The following CTNNA3 variants were observed in gnomAD, a reference collection of about 807,000 sequenced individuals.
CTNNA3 encodes the protein catenin alpha 3.
Under a neutral mutation model 95.7 loss-of-function variants are expected in CTNNA3, and 76 were observed. The ratio of observed to expected loss-of-function variants is 0.79; its 90% confidence interval spans 0.66 to 0.96. CTNNA3 has a LOEUF of 0.96. Ranked by LOEUF, CTNNA3 falls within the 40% of genes least tolerant of loss-of-function variation. The pLI is 0.00. For synonymous variants in CTNNA3, 431 were observed against 374.4 expected, an observed-to-expected ratio of 1.15 and a Z score of -1.74; for missense variants, 1,191 against 1,089.8, an observed-to-expected ratio of 1.09 and a Z score of -1.31.
intron 11 of CTNNA3, among the ~76,000 whole-genome samples, chr10:66,427,726 C>A (rs917595538): frequency 6.6e-6 from 1 of 152,130 alleles, no homozygotes; most frequent in Non-Finnish European, 1.5e-5. Flanking sequence ...ACCACCAGAC[C>A]TGCCCGACAA....
intron 5 of CTNNA3, among the ~76,000 whole-genome samples, chr10:67,309,530 T>C (rs1420870520): frequency 2.0e-5 from 3 of 152,068 alleles, no homozygotes; most frequent in Non-Finnish European, 2.9e-5. Context: ...TGAAGGGAGC[T>C]AATAAGAATA....
At chr10:66,423,329 T>C (rs1353914577) in intron 11 of CTNNA3, among the ~76,000 whole-genome samples, 1 of 152,178 alleles carries the variant, frequency 6.6e-6, no homozygotes, top group Non-Finnish European at 1.5e-5. Flanking sequence ...TCATGTTCTT[T>C]ATATCGTATT....
intron 13 of CTNNA3, among the ~76,000 whole-genome samples, chr10:66,226,759 G>A (rs556485688): frequency 9.2e-5 from 14 of 151,736 alleles, no homozygotes; most frequent in African/African-American, 1.5e-4. Context: ...TTTCATTGTA[G>A]AGAATTTTCA....
chr10:66,253,714 T>G (rs2090649464), intron 13 of CTNNA3, among the ~76,000 whole-genome samples: 1 of 152,146 alleles, frequency 6.6e-6, no homozygotes, highest in African/African-American at 2.4e-5. Flanking sequence ...TTTCTGTGTG[T>G]GTGCACGTTG....
intron 13 of CTNNA3, among the ~76,000 whole-genome samples, chr10:66,273,405 ACT>A (rs1425113664): frequency 2.0e-5 from 3 of 152,160 alleles, no homozygotes; most frequent in African/African-American, 7.2e-5. Flanking sequence ...AAATTGTTTA[ACT>A]CTGGAATTTC....
At chr10:67,755,019 G>A (rs774746454) in intron 1 of CTNNA3, among the ~76,000 whole-genome samples, 2 of 151,744 alleles carry the variant, frequency 1.3e-5, no homozygotes, top group East Asian at 1.9e-4. Flanking sequence ...AAAATATAGC[G>A]AGACCTTATC....
At chr10:66,082,776 T>A (rs1402277472) in intron 14 of CTNNA3, among the ~76,000 whole-genome samples, 7 of 152,164 alleles carry the variant, frequency 4.6e-5, no homozygotes, top group Non-Finnish European at 1.0e-4. Flanking sequence ...CATATGTATG[T>A]CAGCAAATAC....
At chr10:67,170,838 T>C (rs1861988375) in intron 7 of CTNNA3, among the ~76,000 whole-genome samples, 1 of 152,188 alleles carries the variant, frequency 6.6e-6, no homozygotes, top group African/African-American at 2.4e-5. Context: ...CTGTCTACCA[T>C]GGCAGCCACT....
intron 15 of CTNNA3, among the ~76,000 whole-genome samples, chr10:66,002,022 T>C (rs1179033462): frequency 6.6e-6 from 1 of 152,180 alleles, no homozygotes; most frequent in African/African-American, 2.4e-5. Flanking sequence ...TGACAGATAT[T>C]TGTGGTAGTA....
At chr10:66,143,188 C>T (rs537492934) in intron 13 of CTNNA3, among the ~76,000 whole-genome samples, 1 of 152,098 alleles carries the variant, frequency 6.6e-6, no homozygotes, top group South Asian at 2.1e-4. Context: ...AATTGGAATA[C>T]ATATGCATTA....
In CTNNA3 at chr10:67,566,041, G is replaced by GTATATATATATATATATA. The variant is rs1388066358; in HGVS notation, c.293-26373_293-26372insTATATATATATATATATA. Among the ~76,000 whole-genome samples, 204 of 29,338 alleles carry GTATATATATATATATATA rather than the reference G, an allele frequency of 7.0e-3. 4 individuals are homozygous for GTATATATATATATATATA. The highest frequency in any genetic ancestry group is 0.011 in the African/African-American group (83 of 7,324). The allele number at this position is 29,338 out of a possible 152,430, so 19.2% of individuals were successfully genotyped here. A position where few individuals can be genotyped will look rare whatever the true frequency, so the allele number is the denominator to read the frequency against. On this transcript the variant is annotated intron_variant, in intron 3 of 17. Coordinates refer to ENST00000433211, the MANE Select transcript of CTNNA3 (RefSeq NM_013266.4). ...AACACACACACACACATATGTGTGT[G>GTATATATATATATATATA]TGTATATATATATATATATATATAT... is the stretch of plus-strand genomic sequence containing the variant.
chr10:67,205,892 A>G (rs1336450024), intron 6 of CTNNA3, among the ~76,000 whole-genome samples: 3 of 152,192 alleles, frequency 2.0e-5, no homozygotes. Flanking sequence ...AAATCTTCTT[A>G]AAAGTGAAAT....
intron 13 of CTNNA3, among the ~76,000 whole-genome samples, chr10:66,193,518 C>A (rs977646343): frequency 6.6e-6 from 1 of 152,130 alleles, no homozygotes; most frequent in Non-Finnish European, 1.5e-5. Context: ...ATATAATCAG[C>A]AAAGCTCAGA....
At chr10:67,392,047 T>A (rs1047724584) in intron 5 of CTNNA3, among the ~76,000 whole-genome samples, 2 of 151,720 alleles carry the variant, frequency 1.3e-5, no homozygotes, top group African/African-American at 4.8e-5. Flanking sequence ...AAGACAAAAT[T>A]GACAAATGGG....
intron 13 of CTNNA3, among the ~76,000 whole-genome samples, chr10:66,147,310 G>C (rs552650818): frequency 6.6e-6 from 1 of 152,126 alleles, no homozygotes; most frequent in South Asian, 2.1e-4. Context: ...GTTTCTATTA[G>C]ATTTTTAAAG....
intron 10 of CTNNA3, among the ~76,000 whole-genome samples, chr10:66,536,136 TGAGA>T (rs71035152): frequency 0.032 from 4,640 of 143,826 alleles, 107 homozygotes; most frequent in East Asian, 0.06. Context: ...TGAAACGACA[TGAGA>T]GAGAGAGAGA....
intron 7 of CTNNA3, among the ~76,000 whole-genome samples, chr10:66,870,046 T>C (rs1452069604): frequency 2.6e-5 from 4 of 152,176 alleles, no homozygotes; most frequent in African/African-American, 9.7e-5. Flanking sequence ...ATTAAAAGGG[T>C]TTAAAATTTT....
intron 13 of CTNNA3, among the ~76,000 whole-genome samples, chr10:66,106,194 T>G: frequency 7.2e-6 from 1 of 139,018 alleles, no homozygotes. Flanking sequence ...GCAACAAGAG[T>G]GAAACTCCAT....
At chr10:66,423,182 T>TGACACCC (rs2093210812) in intron 11 of CTNNA3, among the ~76,000 whole-genome samples, 1 of 152,104 alleles carries the variant, frequency 6.6e-6, no homozygotes, top group African/African-American at 2.4e-5. Flanking sequence ...TTTAAAAACT[T>TGACACCC]TAAAATACGC....
Sources: allele counts gnomAD v4.1 joint callset (sites outside exome capture counted in the v4.1 genomes callset), GRCh38; gene constraint gnomAD v4.1.1; transcripts MANE v1.5; gene names NCBI Gene and HGNC (gene_info 2026-07-23, HGNC 2026-07-21).